PALM2AKAP2: variants seen among roughly 807,000 people sequenced by gnomAD.
PALM2AKAP2 encodes PALM2 and AKAP2 fusion, also known as PALM2-AKAP2 fusion protein.
PALM2AKAP2 carries 37 observed loss-of-function variants against 71.5 expected under a neutral mutation model. The ratio of observed to expected loss-of-function variants is 0.52; its 90% confidence interval spans 0.40 to 0.68. The LOEUF (loss-of-function observed/expected upper bound fraction) is 0.68. Ranked by LOEUF, PALM2AKAP2 falls within the 30% of genes least tolerant of loss-of-function variation. PALM2AKAP2 has a pLI of 0.00. For synonymous variants in PALM2AKAP2, 468 were observed against 478.8 expected (o/e 0.98, Z 0.29); for missense variants, 1,224 against 1,191.8 (o/e 1.03, Z -0.40).
chr9:110,010,931 G>T (rs1284365838), intron 6 of PALM2AKAP2, among the ~76,000 whole-genome samples: 15 of 140,890 alleles, frequency 1.1e-4, no homozygotes, highest in African/African-American at 2.9e-4. Flanking sequence ...GGGAGGCGGA[G>T]GTTGCCATGA....
chr9:110,129,766 C>T (rs1352152797), intron 1 of PALM2AKAP2, among the ~76,000 whole-genome samples: 2 of 152,166 alleles, frequency 1.3e-5, no homozygotes, highest in Non-Finnish European at 2.9e-5. Flanking sequence ...CTGTTTTAAC[C>T]AATGTGTGAC....
intron 6 of PALM2AKAP2, among the ~76,000 whole-genome samples, chr9:110,013,913 G>T (rs1000637912): frequency 2.6e-5 from 4 of 152,148 alleles, no homozygotes; most frequent in African/African-American, 9.7e-5. Flanking sequence ...TCTTGATTTA[G>T]CACAGAGGCT....
chr9:109,863,950 C>T (rs1829378507), intron 1 of PALM2AKAP2, among the ~76,000 whole-genome samples: 1 of 152,048 alleles, frequency 6.6e-6, no homozygotes, highest in African/African-American at 2.4e-5. Flanking sequence ...CGTGGTGACA[C>T]ACACCTGTAA....
At chr9:110,156,478 A>C (rs914470503) in exon 3 of PALM2AKAP2, 1 of 1,609,730 alleles carries the variant, frequency 6.2e-7, no homozygotes, top group African/African-American at 1.3e-5. Context: ...AAAAGGCGCG[A>C]GAGAATGGAT....
At chr9:109,695,375 A>G (rs145531864) in intron 1 of PALM2AKAP2, among the ~76,000 whole-genome samples, 325 of 152,292 alleles carry the variant, frequency 2.1e-3, no homozygotes, top group Non-Finnish European at 3.6e-3. Flanking sequence ...AGAAACCTCC[A>G]TACTGTTTTC....
chr9:109,667,384 A>C (rs1234546516), intron 1 of PALM2AKAP2, among the ~76,000 whole-genome samples: 4 of 152,104 alleles, frequency 2.6e-5, no homozygotes, highest in Non-Finnish European at 5.9e-5. Flanking sequence ...ATTTTTTTCT[A>C]ATACAGAAAG....
rs1044931456 is a variant in PALM2AKAP2 at position 110,000,378 on chromosome 9, T to G, written c.497-15576T>G. Among the ~76,000 whole-genome samples the G allele has an allele frequency of 5.8e-4, 88 of 152,228 alleles. 1 individual carries two copies. The highest frequency in any genetic ancestry group is 1.5e-5 in the Non-Finnish European group (1 of 68,040). ...TATGGCTGTATAGTATTCCATGGTG[T>G]ATGTGTGCCACATTTTCTTAATCCA... On this transcript the variant is annotated intron_variant, in intron 6 of 9. Transcript: ENST00000302798.
chr9:109,813,871 G>A (rs1429876025), intron 1 of PALM2AKAP2, among the ~76,000 whole-genome samples: 7 of 152,178 alleles, frequency 4.6e-5, no homozygotes, highest in Admixed American at 6.5e-5. Flanking sequence ...AACACACCAC[G>A]CCCTGCACCC....
intron 1 of PALM2AKAP2, among the ~76,000 whole-genome samples, chr9:109,697,749 A>C (rs1225677204): frequency 6.6e-6 from 1 of 152,220 alleles, no homozygotes; most frequent in Non-Finnish European, 1.5e-5. Flanking sequence ...TATCTCTGCA[A>C]TTCTGTTAAT....
chr9:110,014,764 CTCTG>C lies in PALM2AKAP2; in HGVS notation c.497-1187_497-1184del, dbSNP rs1273514620. 2.9e-5 allele frequency among the ~76,000 whole-genome samples: 3 copies of C among 104,886 alleles called. No individual in the cohort carries two copies. In the East Asian group the frequency reaches 8.5e-4, roughly 30 times the overall value. 68.8% of individuals were successfully genotyped at this position (104,886 alleles called of 152,430 possible). A position where few individuals can be genotyped will look rare whatever the true frequency, so the allele number is the denominator to read the frequency against. ...TTCCAGCCTGGGCGACAGAGCGAGA[CTCTG>C]TCCTCTGTCTCAAAAAAAAAAAAAA... is the stretch of plus-strand genomic sequence containing the variant. On this transcript the variant is annotated intron_variant, in intron 6 of 9. Coordinates refer to the PALM2AKAP2 transcript ENST00000302798.
intron 6 of PALM2AKAP2, among the ~76,000 whole-genome samples, chr9:109,993,138 A>G (rs977850569): frequency 6.7e-6 from 1 of 150,036 alleles, no homozygotes; most frequent in African/African-American, 2.5e-5. Context: ...CTCTCTGTTC[A>G]GTACTCTTTT....
intron 1 of PALM2AKAP2, among the ~76,000 whole-genome samples, chr9:109,862,588 T>G (rs1005949586): frequency 6.6e-6 from 1 of 152,204 alleles, no homozygotes; most frequent in East Asian, 1.9e-4. Flanking sequence ...CTTGGATCAA[T>G]AGCTATTGCA....
intron 1 of PALM2AKAP2, among the ~76,000 whole-genome samples, chr9:110,117,685 G>A (rs1835392546): frequency 6.6e-6 from 1 of 152,160 alleles, no homozygotes; most frequent in South Asian, 2.1e-4. Flanking sequence ...ACAAGAGAGA[G>A]CCAGTCTTAC....
chr9:110,060,455 A>G (rs1188831727), intron 1 of PALM2AKAP2, among the ~76,000 whole-genome samples: 1 of 152,098 alleles, frequency 6.6e-6, no homozygotes, highest in Non-Finnish European at 1.5e-5. Context: ...TGAAGATGGA[A>G]AAGTGAGATG....
At chr9:109,962,635 T>C (rs1204302122) in intron 6 of PALM2AKAP2, among the ~76,000 whole-genome samples, 2 of 151,742 alleles carry the variant, frequency 1.3e-5, no homozygotes, top group Non-Finnish European at 2.9e-5. Flanking sequence ...TGCCCTGAAC[T>C]GTGCCAATTT....
chr9:110,015,968 A>C (rs1832973359), exon 7 of PALM2AKAP2: 2 of 1,613,690 alleles, frequency 1.2e-6, no homozygotes, highest in South Asian at 1.1e-5. Context: ...CGGGTGGGAG[A>C]ATGTGCTGCT....
Position 109,869,651 on chromosome 9 carries a change from T to TTCCATCCA in PALM2AKAP2, c.126+2097_126+2104dup, listed in dbSNP as rs59271161. On this transcript the variant is annotated intron_variant, in intron 2 of 9. Coordinates refer to the PALM2AKAP2 transcript ENST00000302798. ...CGTCTATGCATCCATTCATCCATCT[T>TTCCATCCA]TCCATCCATCCATCCATCCATCCAA... is the stretch of plus-strand genomic sequence containing the variant. 3.3e-3 allele frequency among the ~76,000 whole-genome samples: 489 copies of TTCCATCCA among 150,090 alleles called. 2 individuals are homozygous for TTCCATCCA. The highest frequency in any genetic ancestry group is 5.3e-3 in the Non-Finnish European group (361 of 67,740).
intron 6 of PALM2AKAP2, among the ~76,000 whole-genome samples, chr9:109,999,874 G>A (rs924669439): frequency 6.6e-6 from 1 of 152,090 alleles, no homozygotes; most frequent in Non-Finnish European, 1.5e-5. Context: ...GCAGCAGAAG[G>A]CTGAGTCCCA....
At chr9:110,166,552 C>G (rs1054783619) in intron 3 of PALM2AKAP2, among the ~76,000 whole-genome samples, 1 of 152,218 alleles carries the variant, frequency 6.6e-6, no homozygotes, top group African/African-American at 2.4e-5. Flanking sequence ...AGCATGCTTT[C>G]CTCCTACTAA....
Sources: allele counts gnomAD v4.1 joint callset (sites outside exome capture counted in the v4.1 genomes callset), GRCh38; gene constraint gnomAD v4.1.1; transcripts MANE v1.5; gene names NCBI Gene and HGNC (gene_info 2026-07-23, HGNC 2026-07-21).